The following RGL1 variants were observed in gnomAD, a reference collection of about 807,000 sequenced individuals.
RGL1 encodes the protein ral guanine nucleotide dissociation stimulator like 1.
A neutral mutation model predicts 95.2 loss-of-function variants in RGL1; 24 were observed. The ratio of observed to expected loss-of-function variants is 0.25; its 90% confidence interval spans 0.18 to 0.35. The LOEUF (loss-of-function observed/expected upper bound fraction) is 0.35, where lower values mean the gene tolerates loss of function less well. Ranked by LOEUF, RGL1 falls within the 10% of genes least tolerant of loss-of-function variation. The pLI is 1.00. For synonymous variants in RGL1, 329 were observed against 344.9 expected, an observed-to-expected ratio of 0.95 and a Z score of 0.51; for missense variants, 715 against 936.3, an observed-to-expected ratio of 0.76 and a Z score of 3.08.
intron 3 of RGL1, among the ~76,000 whole-genome samples, chr1:183,861,307 G>A (rs1362511479): frequency 6.6e-6 from 1 of 152,158 alleles, no homozygotes. Flanking sequence ...GGGAGCAAAG[G>A]TTAGCAAGGG....
rs543289135 is a variant in RGL1 at position 183,832,206 on chromosome 1, G to A, written c.139-15360G>A. Among the ~76,000 whole-genome samples the A allele has an allele frequency of 3.3e-5, 5 of 152,258 alleles. No individual in the cohort carries two copies. The South Asian group carries it at 6.2e-4, about 19-fold the overall frequency. ...CTGAGGAATGAGAATGAAGTGGGAC[G>A]ATATAGGAGATGGAAGAGGTTGGAT... On this transcript the variant is annotated intron_variant, in intron 2 of 17. Transcript: ENST00000360851.
intron 2 of RGL1, among the ~76,000 whole-genome samples, chr1:183,782,767 A>G (rs921690392): frequency 5.3e-5 from 8 of 152,314 alleles, no homozygotes; most frequent in Middle Eastern, 3.4e-3. Context: ...TCCTAAGAGG[A>G]AAGCTGGAAA....
chr1:183,880,927 G>A, intron 5 of RGL1, 127 bp downstream of exon 5: 1 of 803,446 alleles, frequency 1.2e-6, no homozygotes, highest in Non-Finnish European at 1.9e-6. Context: ...TGCTGCTGGA[G>A]GATTGGCTTG....
chr1:183,748,956 C>A (rs184701887), intron 2 of RGL1, among the ~76,000 whole-genome samples: 1 of 152,144 alleles, frequency 6.6e-6, no homozygotes, highest in Non-Finnish European at 1.5e-5. Flanking sequence ...ATCTTGAGTT[C>A]TAATTTGATT....
chr1:183,671,696 C>A (rs1652462883), intron 1 of RGL1, among the ~76,000 whole-genome samples: 1 of 152,038 alleles, frequency 6.6e-6, no homozygotes, highest in Non-Finnish European at 1.5e-5. Context: ...TTTTCAGCTT[C>A]TCTTGTCCCA....
intron 3 of RGL1, among the ~76,000 whole-genome samples, chr1:183,865,098 G>T (rs1665746960): frequency 6.6e-6 from 1 of 152,128 alleles, no homozygotes; most frequent in Non-Finnish European, 1.5e-5. Flanking sequence ...AATAGTCTAG[G>T]CATTATAAGT....
At chr1:183,766,013 A>G (rs1206275056) in intron 2 of RGL1, among the ~76,000 whole-genome samples, 1 of 152,152 alleles carries the variant, frequency 6.6e-6, no homozygotes, top group African/African-American at 2.4e-5. Flanking sequence ...GCACACCAAC[A>G]TGGCACATGT....
At chr1:183,743,229 GT>G (rs981675206) in intron 2 of RGL1, among the ~76,000 whole-genome samples, 3 of 152,040 alleles carry the variant, frequency 2.0e-5, no homozygotes, top group Admixed American at 2.0e-4. Flanking sequence ...GCCCAGGCTG[GT>G]CTTGAAGTCC....
intron 1 of RGL1, among the ~76,000 whole-genome samples, chr1:183,670,052 A>G (rs2102050474): frequency 6.6e-6 from 1 of 152,230 alleles, no homozygotes; most frequent in South Asian, 2.1e-4. Flanking sequence ...ATCAGGGAGC[A>G]TTCTGTGGTC....
At chr1:183,788,896 T>C (rs905863831) in intron 2 of RGL1, among the ~76,000 whole-genome samples, 13 of 152,196 alleles carry the variant, frequency 8.5e-5, no homozygotes, top group Non-Finnish European at 2.9e-5. Context: ...TTCTGTCTTC[T>C]CTGCCTAGAT....
intron 13 of RGL1, among the ~76,000 whole-genome samples, 184 bp downstream of exon 13, chr1:183,905,155 C>T (rs1438607275): frequency 6.6e-6 from 1 of 152,174 alleles, no homozygotes; most frequent in African/African-American, 2.4e-5. Flanking sequence ...TCAAGATGTA[C>T]TTTCAGACTC....
At chr1:183,907,572 A>G (rs1187881583) in intron 14 of RGL1, among the ~76,000 whole-genome samples, 8 of 152,192 alleles carry the variant, frequency 5.3e-5, no homozygotes, top group Admixed American at 5.2e-4. Context: ...AGACGTTTGC[A>G]CTGGCTGTGC....
At chr1:183,663,638 T>G (rs1458630404) in intron 1 of RGL1, among the ~76,000 whole-genome samples, 1 of 151,974 alleles carries the variant, frequency 6.6e-6, no homozygotes, top group Admixed American at 6.6e-5. Context: ...GTTCAACCCT[T>G]GTGGAAGTCA....
chr1:183,650,214 T>G (rs138949452), intron 1 of RGL1, among the ~76,000 whole-genome samples: 9 of 152,282 alleles, frequency 5.9e-5, no homozygotes, highest in African/African-American at 2.2e-4. Context: ...GCTTTTTCAC[T>G]TAATATTGTG....
chr1:183,883,984 A>C, intron 6 of RGL1, 74 bp downstream of exon 6: 1 of 1,480,698 alleles, frequency 6.8e-7, no homozygotes, highest in African/African-American at 1.4e-5. Context: ...TGCCCCGGTG[A>C]CAGCAGTGGG....
intron 2 of RGL1, among the ~76,000 whole-genome samples, chr1:183,820,502 G>A (rs1425055324): frequency 6.6e-6 from 1 of 152,082 alleles, no homozygotes; most frequent in African/African-American, 2.4e-5. Context: ...TGAGATGAGG[G>A]CATGTGACAA....
At chr1:183,862,310 C>T (rs1665560534) in intron 3 of RGL1, among the ~76,000 whole-genome samples, 1 of 152,054 alleles carries the variant, frequency 6.6e-6, no homozygotes, top group Admixed American at 6.5e-5. Context: ...TACAGTGAGC[C>T]ATGACTGTGC....
chr1:183,687,342 A>G (rs759658536), intron 1 of RGL1, among the ~76,000 whole-genome samples: 1 of 152,210 alleles, frequency 6.6e-6, no homozygotes, highest in African/African-American at 2.4e-5. Flanking sequence ...AAACAAATTA[A>G]TTAATAGAAG....
At chr1:183,672,053 C>T (rs749945625) in intron 1 of RGL1, among the ~76,000 whole-genome samples, 10 of 151,928 alleles carry the variant, frequency 6.6e-5, no homozygotes, top group Non-Finnish European at 1.5e-4. Flanking sequence ...CTACCTCAGC[C>T]TCCTGAGTAG....
Sources: gnomAD v4.1 joint callset for allele counts (sites outside exome capture counted in the v4.1 genomes callset) on GRCh38, gnomAD v4.1.1 for gene constraint, MANE v1.5 for transcripts, NCBI Gene and HGNC (gene_info 2026-07-23, HGNC 2026-07-21) for gene names.